GUCY1A2: variants seen among roughly 807,000 people sequenced by gnomAD.
GUCY1A2 encodes the protein guanylate cyclase soluble subunit alpha-2.
A neutral mutation model predicts 63.5 loss-of-function variants in GUCY1A2; 27 were observed. The ratio of observed to expected loss-of-function variants is 0.43; its 90% CI spans 0.31 to 0.59. The LOEUF (loss-of-function observed/expected upper bound fraction) is 0.59. Ranked by LOEUF, GUCY1A2 falls within the 20% of genes least tolerant of loss-of-function variation. The pLI, the probability that GUCY1A2 is intolerant of heterozygous loss-of-function variation, is 0.11. For missense variants in GUCY1A2, 768 were observed against 913.3 expected (o/e 0.84, Z 2.05); for synonymous variants, 364 against 343.5 (o/e 1.06, Z -0.66).
chr11:106,952,124 T>C (rs898391769), intron 3 of GUCY1A2, among the ~76,000 whole-genome samples: 1 of 152,174 alleles, frequency 6.6e-6, no homozygotes, highest in Non-Finnish European at 1.5e-5. Context: ...AGTACCATGC[T>C]ATTTTGGTTA....
intron 7 of GUCY1A2, among the ~76,000 whole-genome samples, chr11:106,694,765 G>A (rs1309321128): frequency 2.0e-5 from 3 of 152,182 alleles, no homozygotes; most frequent in Non-Finnish European, 4.4e-5. Flanking sequence ...CCCGTGGTGA[G>A]CACAGGGGTA....
chr11:106,989,898 A>G (rs1266404671), intron 1 of GUCY1A2, among the ~76,000 whole-genome samples: 1 of 152,206 alleles, frequency 6.6e-6, no homozygotes, highest in Non-Finnish European at 1.5e-5. Context: ...TCAAGACCCC[A>G]GGCATTTACT....
At chr11:106,940,824 T>C (rs1444344448) in intron 3 of GUCY1A2, among the ~76,000 whole-genome samples, 2 of 152,196 alleles carry the variant, frequency 1.3e-5, no homozygotes, top group East Asian at 3.8e-4. Context: ...TCATAAATAA[T>C]ATATTTTTCT....
intron 6 of GUCY1A2, among the ~76,000 whole-genome samples, chr11:106,765,434 T>C (rs1422607297): frequency 1.3e-5 from 2 of 152,162 alleles, no homozygotes; most frequent in Admixed American, 6.6e-5. Context: ...GTTGGTTCCA[T>C]AGGCTGTAAT....
At chr11:106,984,654 T>C (rs1389189623) in intron 2 of GUCY1A2, among the ~76,000 whole-genome samples, 2 of 152,166 alleles carry the variant, frequency 1.3e-5, no homozygotes, top group Non-Finnish European at 2.9e-5. Context: ...CATAAAAATA[T>C]TAATAATAAC....
chr11:106,877,608 C>A (rs79082622), intron 4 of GUCY1A2, among the ~76,000 whole-genome samples: 1 of 152,016 alleles, frequency 6.6e-6, no homozygotes, highest in South Asian at 2.1e-4. Context: ...TTCCTTACAC[C>A]ACATACAAAA....
chr11:107,018,458 G>A lies in GUCY1A2; in HGVS notation c.-403C>T, dbSNP rs1271345252. The stretch of plus-strand genomic sequence containing the variant: ...GGGCTGCGGCCCAAGCAGAAGGGGA[G>A]GCAGAGGCAGAGGCTTCTGCCGCCT... On this transcript the variant is annotated 5_prime_UTR_variant, in exon 1 of 8. Coordinates refer to ENST00000526355, the MANE Select transcript of GUCY1A2 (RefSeq NM_000855.3). 1 of 150,812 alleles carries A rather than the reference G, an allele frequency of 6.6e-6. No individual in the cohort carries two copies. The highest frequency in any genetic ancestry group is 2.4e-5 in the African/African-American group (1 of 41,268). 9.3% of individuals were successfully genotyped at this position (150,812 alleles called of 1,614,324 possible).
chr11:106,933,379 A>C (rs912864832), intron 4 of GUCY1A2, among the ~76,000 whole-genome samples: 2 of 152,208 alleles, frequency 1.3e-5, no homozygotes, highest in Non-Finnish European at 2.9e-5. Flanking sequence ...AAAAATGCAA[A>C]TCAAACCCAC....
intron 7 of GUCY1A2, among the ~76,000 whole-genome samples, chr11:106,698,367 C>G (rs1407902782): frequency 6.6e-6 from 1 of 151,642 alleles, no homozygotes; most frequent in Admixed American, 6.6e-5. Flanking sequence ...AAGTGATCCT[C>G]TCCCCCAGAC....
chr11:106,746,377 A>G (rs929702425), intron 6 of GUCY1A2, among the ~76,000 whole-genome samples: 71 of 152,284 alleles, frequency 4.7e-4, no homozygotes, highest in African/African-American at 1.5e-3. Flanking sequence ...ATATGCTCTA[A>G]ATAATATTTG....
At chr11:106,697,277 G>T (rs2135340447) in intron 7 of GUCY1A2, among the ~76,000 whole-genome samples, 1 of 152,298 alleles carries the variant, frequency 6.6e-6, no homozygotes, top group Non-Finnish European at 1.5e-5. Context: ...GCTGCAGAAA[G>T]GATTCTTAAC....
chr11:106,743,238 C>T (rs1370204240), intron 6 of GUCY1A2, among the ~76,000 whole-genome samples: 1 of 152,154 alleles, frequency 6.6e-6, no homozygotes, highest in Non-Finnish European at 1.5e-5. Context: ...AAGCTTGTCC[C>T]TTCAAATTCA....
intron 5 of GUCY1A2, among the ~76,000 whole-genome samples, chr11:106,794,698 A>G (rs532767244): frequency 6.6e-6 from 1 of 152,292 alleles, no homozygotes; most frequent in South Asian, 2.1e-4. Context: ...AATCCAATAA[A>G]TAAAATCCAA....
chr11:106,712,833 GT>G (rs1863143591), intron 6 of GUCY1A2, among the ~76,000 whole-genome samples: 1 of 152,150 alleles, frequency 6.6e-6, no homozygotes, highest in Non-Finnish European at 1.5e-5. Context: ...TCCAAGTCCT[GT>G]ATAAGTGCTA....
At chr11:106,826,655 A>T in intron 4 of GUCY1A2, 1 of 1,608,222 alleles carries the variant, frequency 6.2e-7, no homozygotes, top group Non-Finnish European at 8.5e-7. Context: ...TAGTTAAAAA[A>T]TTTTGTCACA....
chr11:106,912,909 C>CA (rs936145378), intron 4 of GUCY1A2, among the ~76,000 whole-genome samples: 1 of 151,984 alleles, frequency 6.6e-6, no homozygotes, highest in African/African-American at 2.4e-5. Context: ...TGCCTGCTTC[C>CA]AAAAAACCTA....
chr11:106,848,737 C>A lies in GUCY1A2; in HGVS notation c.1207-38259G>T, dbSNP rs1410801874. Among the ~76,000 whole-genome samples, 5 of 151,660 alleles carry A rather than the reference C, an allele frequency of 3.3e-5. No homozygotes were observed. The East Asian group carries it at 7.8e-4, about 24-fold the overall frequency. Reference sequence around the variant, plus strand: ...TCCAAAAATGATTTTATAACAGCAGCCTTAGTGGGAAAAGTGTGCTGCCTG... The same window carrying A: ...TCCAAAAATGATTTTATAACAGCAGACTTAGTGGGAAAAGTGTGCTGCCTG... On this transcript the variant is annotated intron_variant, in intron 4 of 7. Coordinates refer to ENST00000526355, the MANE Select transcript of GUCY1A2 (RefSeq NM_000855.3).
intron 7 of GUCY1A2, among the ~76,000 whole-genome samples, chr11:106,707,934 T>G (rs1462688856): frequency 1.3e-5 from 2 of 152,156 alleles, no homozygotes; most frequent in African/African-American, 4.8e-5. Flanking sequence ...AACACGATAC[T>G]GAAAGGAAAT....
At chr11:106,927,572 CT>C (rs200339909) in intron 4 of GUCY1A2, among the ~76,000 whole-genome samples, 19 of 146,660 alleles carry the variant, frequency 1.3e-4, no homozygotes, top group Non-Finnish European at 1.8e-4. Context: ...TGGAATAAGT[CT>C]TTTTTTTTTG....
Sources: allele counts gnomAD v4.1 joint callset (sites outside exome capture counted in the v4.1 genomes callset), GRCh38; gene constraint gnomAD v4.1.1; transcripts MANE v1.5; gene names NCBI Gene and HGNC (gene_info 2026-07-23, HGNC 2026-07-21).